NAPA: variants seen among roughly 807,000 people sequenced by gnomAD.
NAPA encodes alpha-soluble NSF attachment protein.
Under a neutral mutation model 48.0 loss-of-function variants are expected in NAPA, and 18 were observed. The ratio of observed to expected loss-of-function variants is 0.38; its 90% CI spans 0.26 to 0.56. NAPA has a LOEUF of 0.56. Among genes scored for constraint, NAPA ranks in the 20% least tolerant of loss-of-function variants. NAPA has a pLI of 0.77. For missense variants in NAPA, 315 were observed against 385.0 expected (o/e 0.82, Z 1.52); for synonymous variants, 152 against 149.9 (o/e 1.01, Z -0.10).
At position 47,506,539 on chromosome 19, in the gene NAPA, C is replaced by T. The variant is rs937711068; in HGVS notation, c.99-3037G>A. Reference sequence around the variant, plus strand: ...AGTGTGACTAAGTCCTATCCAGCTCCATGCACTCTCTGAAAAAGCACAGAC... The same window carrying T: ...AGTGTGACTAAGTCCTATCCAGCTCTATGCACTCTCTGAAAAAGCACAGAC... On this transcript the variant is annotated intron_variant, in intron 1 of 10. Coordinates refer to ENST00000263354, the MANE Select transcript of NAPA (RefSeq NM_003827.4). This position sits in a 1 kb window ranked among gnomAD's most constrained non-coding sequence, Gnocchi z 4.0. Among the ~76,000 whole-genome samples, 1 of 152,222 alleles carries T rather than the reference C, an allele frequency of 6.6e-6. No homozygotes were observed. Among genetic ancestry groups the T allele is most frequent in the African/African-American group, 2.4e-5 (1 of 41,452 alleles).
At chr19:47,503,345 C>T in intron 2 of NAPA, 78 bp downstream of exon 2, 1 of 1,372,680 alleles carries the variant, frequency 7.3e-7, no homozygotes, top group Non-Finnish European at 1.0e-6. Flanking sequence ...CAAGGCCAAC[C>T]TCTCGGGCAG....
At position 47,502,453 on chromosome 19, in the gene NAPA, T is replaced by A. The variant is rs931087428; in HGVS notation, c.178+970A>T. ...AAATACAAAAAACATTTGGCTTTAT[T>A]CACAACGTATTTTGTGAAAACTCAG... On this transcript the variant is annotated intron_variant, in intron 2 of 10. Coordinates refer to ENST00000263354, the MANE Select transcript of NAPA (RefSeq NM_003827.4). Among the ~76,000 whole-genome samples the A allele has an allele frequency of 3.4e-4, 52 of 152,260 alleles. 1 individual carries two copies. The highest frequency in any genetic ancestry group is 1.2e-3 in the African/African-American group (50 of 41,556).
chr19:47,514,300 C>T (rs969230946), intron 1 of NAPA, among the ~76,000 whole-genome samples: 5 of 152,058 alleles, frequency 3.3e-5, no homozygotes, highest in Non-Finnish European at 7.4e-5. Context: ...TCAGCCTTCA[C>T]CCTCACCGCC....
At chr19:47,502,533 T>A (rs1968602769) in intron 2 of NAPA, among the ~76,000 whole-genome samples, 1 of 152,184 alleles carries the variant, frequency 6.6e-6, no homozygotes, top group South Asian at 2.1e-4. Context: ...ACGATGATAA[T>A]CAATTTTATT....
intron 3 of NAPA, chr19:47,497,011 A>T (rs989719494): frequency 1.5e-5 from 5 of 325,898 alleles, no homozygotes; most frequent in Middle Eastern, 4.0e-4. Context: ...GGGGCAGATG[A>T]GGAGGAAGGG....
chr19:47,500,572 A>G (rs1968550154), intron 3 of NAPA, 61 bp downstream of exon 3: 2 of 1,372,378 alleles, frequency 1.5e-6, no homozygotes, highest in African/African-American at 3.0e-5. Flanking sequence ...TGAGGAATCA[A>G]TGCAGGGTGC....
chr19:47,506,655 G>T lies in NAPA; in HGVS notation c.99-3153C>A, dbSNP rs1227635101. On this transcript the variant is annotated intron_variant, in intron 1 of 10. Coordinates refer to ENST00000263354, the MANE Select transcript of NAPA (RefSeq NM_003827.4). The surrounding 1 kb of genome is among the most constrained non-coding windows in gnomAD (Gnocchi z 4.0). Reference sequence around the variant, plus strand: ...GTCAGCCCAGCCGGGTTTATTTCAGGACGGACACAAAGCCTACCAGCTGCC... The same window carrying T: ...GTCAGCCCAGCCGGGTTTATTTCAGTACGGACACAAAGCCTACCAGCTGCC... 6.6e-6 allele frequency among the ~76,000 whole-genome samples: 1 copy of T among 152,222 alleles called. No homozygotes were observed. Among genetic ancestry groups the T allele is most frequent in the Non-Finnish European group, 1.5e-5 (1 of 68,042 alleles).
In NAPA at chr19:47,514,975, C is replaced by A. The variant is rs184193701; in HGVS notation, c.-35G>T. 9.4e-6 allele frequency: 15 copies of A among 1,602,610 alleles called. No individual in the cohort carries two copies. The African/African-American group carries it at 2.0e-4, about 21-fold the overall frequency. ...AAAGGGACTCAGCAAAGCGCCTGACCCTGACCCTGGGAAGACTCAGCCGCG... is the reference window on the plus strand; with the variant it reads ...AAAGGGACTCAGCAAAGCGCCTGACACTGACCCTGGGAAGACTCAGCCGCG... On this transcript the variant is annotated 5_prime_UTR_variant, in exon 1 of 11. Coordinates refer to ENST00000263354, the MANE Select transcript of NAPA (RefSeq NM_003827.4).
chr19:47,502,237 CAAAAAAAAAAAAAAA>C (rs55762206), intron 2 of NAPA, among the ~76,000 whole-genome samples: 125 of 62,486 alleles, frequency 2.0e-3, no homozygotes, highest in African/African-American at 8.5e-3. Flanking sequence ...AAGACTGTCT[CAAAAAAAAAAAAAAA>C]AAAAAAAAAA....
At chr19:47,489,567 TG>T in intron 10 of NAPA, 143 bp downstream of exon 10, 1 of 899,122 alleles carries the variant, frequency 1.1e-6, no homozygotes. Flanking sequence ...GTAAGGTTTC[TG>T]GGGTGACTGG....
intron 3 of NAPA, chr19:47,497,337 G>A (rs776497957): frequency 6.5e-6 from 1 of 153,746 alleles, no homozygotes; most frequent in Admixed American, 6.5e-5. Flanking sequence ...ACTGGCTCTG[G>A]AGCACCCGCC....
At chr19:47,512,610 C>T (rs1364641995) in intron 1 of NAPA, 1 of 152,216 alleles carries the variant, frequency 6.6e-6, no homozygotes, top group African/African-American at 2.4e-5. Context: ...AGCTCGTGGC[C>T]CCACCCCCAA....
In NAPA at chr19:47,493,863, G is replaced by T. The variant is rs1968347256; in HGVS notation, c.343-370C>A. 6.6e-6 allele frequency among the ~76,000 whole-genome samples: 1 copy of T among 152,164 alleles called. No homozygotes were observed. The highest frequency in any genetic ancestry group is 1.5e-5 in the Non-Finnish European group (1 of 68,028). Reference sequence around the variant, plus strand: ...TCTGATAACAGCCAGAGAGGCGGAAGGACCAGTCCAGAGCCACTTGGCAAA... The same window carrying T: ...TCTGATAACAGCCAGAGAGGCGGAATGACCAGTCCAGAGCCACTTGGCAAA... On this transcript the variant is annotated intron_variant, in intron 4 of 10. Coordinates refer to ENST00000263354, the MANE Select transcript of NAPA (RefSeq NM_003827.4). This position sits in a 1 kb window ranked among gnomAD's most constrained non-coding sequence, Gnocchi z 6.4.
chr19:47,508,412 G>A (rs1221794834), intron 1 of NAPA, among the ~76,000 whole-genome samples: 2 of 152,234 alleles, frequency 1.3e-5, no homozygotes, highest in Non-Finnish European at 2.9e-5. Context: ...AGCAGAGTAT[G>A]AGTTCCTGCA....
chr19:47,487,120 C>T (rs929101464), downstream of NAPA, among the ~76,000 whole-genome samples: 1 of 152,152 alleles, frequency 6.6e-6, no homozygotes, highest in African/African-American at 2.4e-5. Context: ...TGGGCAAAGG[C>T]TCCTGCTATC....
At chr19:47,500,552 C>T in intron 3 of NAPA, 81 bp downstream of exon 3, 1 of 1,210,960 alleles carries the variant, frequency 8.3e-7, no homozygotes, top group Non-Finnish European at 1.1e-6. Flanking sequence ...ACCAGAGCCG[C>T]CAGGAAACCT....
At chr19:47,496,027 A>G (rs934778346) in intron 3 of NAPA, 2 of 186,880 alleles carry the variant, frequency 1.1e-5, no homozygotes, top group African/African-American at 4.7e-5. Context: ...GAGGCGGCCA[A>G]ACCAGCATCT....
chr19:47,512,505 G>A (rs1202964668), intron 1 of NAPA, among the ~76,000 whole-genome samples: 2 of 152,094 alleles, frequency 1.3e-5, no homozygotes, highest in African/African-American at 4.8e-5. Flanking sequence ...TGACTTAGCT[G>A]CTCCCTCCAA....
downstream of NAPA, among the ~76,000 whole-genome samples, chr19:47,487,165 G>T (rs1968096318): frequency 6.6e-6 from 1 of 152,162 alleles, no homozygotes; most frequent in Non-Finnish European, 1.5e-5. Flanking sequence ...TCGGGCCTCA[G>T]ACTCTGCCCA....
Sources: gnomAD v4.1 joint callset for allele counts (sites outside exome capture counted in the v4.1 genomes callset) on GRCh38, gnomAD v4.1.1 for gene constraint, Gnocchi (gnomAD v3.1) non-coding constraint, MANE v1.5 for transcripts, NCBI Gene and HGNC (gene_info 2026-07-23, HGNC 2026-07-21) for gene names.